Variants in BMS1 observed in about 807,000 individuals in gnomAD.
BMS1 encodes ribosome biogenesis protein BMS1 homolog.
A neutral mutation model predicts 138.7 loss-of-function variants in BMS1; 53 were observed. The observed-to-expected ratio is 0.38, with a 90% CI of 0.31 to 0.48. BMS1 has a LOEUF of 0.48. BMS1 is among the 20% of genes least tolerant of loss of function. The pLI is 0.97. For synonymous variants in BMS1, 504 were observed against 539.9 expected (o/e 0.93, Z 0.92); for missense variants, 1,360 against 1,565.5 (o/e 0.87, Z 2.22).
At position 42,793,070 on chromosome 10, in the gene BMS1, C is replaced by T; in HGVS notation, c.1015C>T (p.Leu339Phe). Residue 339 changes from leucine to phenylalanine, a missense_variant, in exon 8 of 23, where the codon CTT becomes TTT. Leu to Phe is a conservative substitution (Grantham distance 22). This residue lies in a region of BMS1 where 697 missense variants were observed against 686.2 expected (regional missense o/e 1.02). Transcript: ENST00000374518. ...NEKEKLVYAP[L>F]SGVGGVLYDK... ...GAAGGAGAAGCTGGTTTATGCGCCT[C>T]TTTCTGGAGTTGGGGGTGTGCTGTA... The T allele has an allele frequency of 6.2e-7, 1 of 1,614,014 alleles. No individual in the cohort carries two copies. Among genetic ancestry groups the T allele is most frequent in the Non-Finnish European group, 8.5e-7 (1 of 1,179,956 alleles).
intron 21 of BMS1, among the ~76,000 whole-genome samples, chr10:42,825,112 A>G (rs1183853761): frequency 1.3e-5 from 2 of 151,986 alleles, no homozygotes; most frequent in Non-Finnish European, 2.9e-5. Flanking sequence ...GGATTCAAGC[A>G]ATTCTCCTGC....
At position 42,834,930 on chromosome 10, in the gene BMS1, A is replaced by G. The variant is rs1842847753; in HGVS notation, c.*3834A>G. 6.6e-6 allele frequency: 1 copy of G among 152,086 alleles called. No homozygotes were observed. The highest frequency in any genetic ancestry group is 2.1e-4 in the South Asian group (1 of 4,826). 9.4% of individuals were successfully genotyped at this position (152,086 alleles called of 1,614,324 possible). On this transcript the variant is annotated 3_prime_UTR_variant, in exon 23 of 23. Coordinates refer to ENST00000374518, the MANE Select transcript of BMS1 (RefSeq NM_014753.4). ...ATGCATAATAAAACTTATTTTATCAATTTTTAATTGTATGAGTCAGTGGCA... is the reference window on the plus strand; with the variant it reads ...ATGCATAATAAAACTTATTTTATCAGTTTTTAATTGTATGAGTCAGTGGCA...
At chr10:42,794,984 A>G (rs1485965644) in intron 9 of BMS1, among the ~76,000 whole-genome samples, 14 of 151,690 alleles carry the variant, frequency 9.2e-5, no homozygotes, top group East Asian at 3.9e-4. Context: ...TCATTGTTCA[A>G]TTCCCACCTA....
At chr10:42,809,960 T>A (rs1330752379) in intron 13 of BMS1, among the ~76,000 whole-genome samples, 2 of 148,608 alleles carry the variant, frequency 1.3e-5, no homozygotes, top group African/African-American at 5.0e-5. Flanking sequence ...TAATTTTTTT[T>A]TTTTTTTTTT....
At chr10:42,788,447 CAG>C (rs1157973595) in intron 4 of BMS1, among the ~76,000 whole-genome samples, 3 of 152,028 alleles carry the variant, frequency 2.0e-5, no homozygotes, top group African/African-American at 4.8e-5. Context: ...ATGATCAAAT[CAG>C]GGTAATTAGG....
At chr10:42,800,519 T>C (rs1841837410) in intron 12 of BMS1, among the ~76,000 whole-genome samples, 1 of 150,430 alleles carries the variant, frequency 6.6e-6, no homozygotes, top group Admixed American at 6.7e-5. Flanking sequence ...ATAGGGTAAA[T>C]GCTTGATTTT....
chr10:42,811,287 C>A (rs1842169352), intron 13 of BMS1, among the ~76,000 whole-genome samples: 1 of 152,036 alleles, frequency 6.6e-6, no homozygotes, highest in South Asian at 2.1e-4. Flanking sequence ...AGTTGATCCA[C>A]CTGCCTTGGC....
Position 42,830,372 on chromosome 10 carries a change from C to A in BMS1, c.3568C>A (p.Pro1190Thr). 6.2e-7 allele frequency: 1 copy of A among 1,613,836 alleles called. No homozygotes were observed. The highest frequency in any genetic ancestry group is 1.3e-5 in the African/African-American group (1 of 74,970). ...PKTQAKAGKV[P>T]KDRRRPAVIR... ...GACCCAAGCAAAGGCAGGCAAGGTG[C>A]CAAAGGACAGGCGGAGACCGGCCGT... Residue 1190 changes from proline (P) to threonine (T), a missense_variant, in exon 22 of 23, where the codon CCA becomes ACA. Transcript: ENST00000374518.
rs79392260 is a variant in BMS1 at position 42,813,625 on chromosome 10, G to A, written c.2330-2974G>A. Among the ~76,000 whole-genome samples, 1,468 of 152,222 alleles carry A rather than the reference G, an allele frequency of 9.6e-3. 55 individuals are homozygous for A. The East Asian group carries it at 0.1, about 11-fold the overall frequency. ...GATTTTAAGAACTGCGGATTGTCTC[G>A]TGTATGTATCCACATTTCTGGTCTT... is the stretch of plus-strand genomic sequence containing the variant. On this transcript the variant is annotated intron_variant, in intron 13 of 22. Coordinates refer to ENST00000374518, the MANE Select transcript of BMS1 (RefSeq NM_014753.4).
Position 42,793,007 on chromosome 10 carries a change from G to A in BMS1, c.952G>A (p.Ala318Thr), listed in dbSNP as rs200858231. The change falls in exon 8 of 23, where the codon GCT becomes ACT. Residue 318 changes from alanine (A) to threonine (T), a missense_variant. Physicochemically the swap from Ala to Thr is moderately conservative, Grantham distance 58. This residue lies in a region of BMS1 where 697 missense variants were observed against 686.2 expected (regional missense o/e 1.02). Coordinates refer to ENST00000374518, the MANE Select transcript of BMS1 (RefSeq NM_014753.4). ...CATCAGTTTCCTCCCAGACCCTTGC[G>A]CTCTTCCTGAACAACAAAAGAAGCG... ...SDISFLPDPC[A>T]LPEQQKKRCL... is the part of the protein sequence containing the mutation. The A allele has an allele frequency of 8.9e-5, 144 of 1,613,884 alleles. No individual in the cohort carries two copies. The highest frequency in any genetic ancestry group is 1.2e-4 in the Non-Finnish European group (137 of 1,179,964).
At position 42,796,491 on chromosome 10, in the gene BMS1, A is replaced by C. The variant is rs1369772174; in HGVS notation, c.1247A>C (p.Glu416Ala). The C allele has an allele frequency of 6.2e-7, 1 of 1,612,716 alleles. No individual in the cohort carries two copies. Among genetic ancestry groups the C allele is most frequent in the Non-Finnish European group, 8.5e-7 (1 of 1,178,816 alleles). Residue 416 changes from glutamate to alanine, a missense_variant, in exon 10 of 23, where the codon GAG becomes GCG. This residue lies in a region of BMS1 where 697 missense variants were observed against 686.2 expected (regional missense o/e 1.02). Transcript: ENST00000374518. The stretch of plus-strand genomic sequence containing the variant: ...TAATACAGGCTAATGATGCCAAAGG[A>C]GGAAAAACAAATGGACTTGAACACT... Reference protein sequence around the residue: ...IDNQGLMMPKEEKQMDLNTGR... With the variant: ...IDNQGLMMPKAEKQMDLNTGR...
intron 3 of BMS1, among the ~76,000 whole-genome samples, chr10:42,786,670 C>T (rs1841340510): frequency 6.6e-6 from 1 of 152,006 alleles, no homozygotes; most frequent in South Asian, 2.1e-4. Context: ...AAGGGATCCG[C>T]CTGCCTTGGC....
At position 42,796,645 on chromosome 10, in the gene BMS1, GGA is replaced by G. The variant is rs1239524005; in HGVS notation, c.1403_1404del (p.Glu468GlyfsTer4). ...NGSSDEEAEE[E>X]ENAEMTDQYM... ...GCTCTAGTGATGAGGAAGCAGAAGA[GGA>G]GGAAAATGCTGAGATGACTGATCAG... On this transcript the variant is annotated frameshift_variant, in exon 10 of 23. Transcript: ENST00000374518. LOFTEE classifies it high-confidence loss of function. The G allele has an allele frequency of 6.2e-7, 1 of 1,614,190 alleles. No individual in the cohort carries two copies. The highest frequency in any genetic ancestry group is 1.1e-5 in the South Asian group (1 of 91,090).
chr10:42,790,957 G>T (rs1841487331), intron 5 of BMS1, among the ~76,000 whole-genome samples: 1 of 152,106 alleles, frequency 6.6e-6, no homozygotes, highest in South Asian at 2.1e-4. Context: ...GAATTCCTTT[G>T]TGTGTGTGTT....
chr10:42,826,277 GTGTT>G (rs954906679), intron 21 of BMS1, among the ~76,000 whole-genome samples: 2 of 140,648 alleles, frequency 1.4e-5, no homozygotes, highest in African/African-American at 2.6e-5. Context: ...GTGTGTGTGT[GTGTT>G]TTGGTTTGGC....
chr10:42,785,458 A>G (rs998648677), intron 2 of BMS1, 24 bp from the exon 3 acceptor site: 116 of 1,559,570 alleles, frequency 7.4e-5, no homozygotes, highest in Non-Finnish European at 9.5e-5. Context: ...CTATTTATTT[A>G]TTTGTTTATT....
At chr10:42,826,237 T>TTGTGTGTGTGTGTG (rs35886214) in intron 21 of BMS1, among the ~76,000 whole-genome samples, 28 of 145,648 alleles carry the variant, frequency 1.9e-4, no homozygotes, top group Non-Finnish European at 3.3e-4. Flanking sequence ...TTTTTGTTTG[T>TTGTGTGTGTGTGTG]TGTGTGTGTG....
chr10:42,790,835 G>A (rs1564409775), intron 5 of BMS1, among the ~76,000 whole-genome samples: 1 of 151,872 alleles, frequency 6.6e-6, no homozygotes, highest in Non-Finnish European at 1.5e-5. Context: ...GGGTGACACA[G>A]TGAGACGCTT....
At chr10:42,797,615 A>G in intron 11 of BMS1, 92 bp downstream of exon 11, 1 of 1,240,044 alleles carries the variant, frequency 8.1e-7, no homozygotes, top group Non-Finnish European at 1.2e-6. Context: ...GGTATTGTTG[A>G]CATCCATAAT....
Sources: allele counts gnomAD v4.1 joint callset (sites outside exome capture counted in the v4.1 genomes callset), GRCh38; gene constraint gnomAD v4.1.1; regional missense constraint gnomAD v4.1.1; transcripts MANE v1.5; gene names NCBI Gene and HGNC (gene_info 2026-07-23, HGNC 2026-07-21).